The following PLCL1 variants were observed in gnomAD, a reference collection of about 807,000 sequenced individuals.
PLCL1 encodes inactive phospholipase C-like protein 1.
A neutral mutation model predicts 84.4 loss-of-function variants in PLCL1; 41 were observed. That is an observed-to-expected ratio of 0.49 (90% CI 0.38 to 0.63). The LOEUF (loss-of-function observed/expected upper bound fraction) is 0.63, where lower values mean the gene tolerates loss of function less well. Among genes scored for constraint, PLCL1 ranks in the 30% least tolerant of loss-of-function variants. The probability of loss-of-function intolerance (pLI) is 0.00; values close to 1 mark genes in which losing one functional copy is unlikely to be tolerated. For synonymous variants in PLCL1, 490 were observed against 488.3 expected, an observed-to-expected ratio of 1.00 and a Z score of -0.05; for missense variants, 1,206 against 1,367.8, an observed-to-expected ratio of 0.88 and a Z score of 1.87.
rs544939147 is a variant in PLCL1, at chr2:197,877,510, A to G, written c.240+72171A>G. ...TGCCACTTTTCCGCATCATCTTAAC[A>G]TTTGTAATAACCTAATGATGGAAAG... On this transcript the variant is annotated intron_variant, in intron 1 of 5. Transcript: ENST00000428675. Among the ~76,000 whole-genome samples the G allele has an allele frequency of 4.6e-5, 7 of 152,226 alleles. No individual in the cohort carries two copies. In the South Asian group the frequency reaches 1.5e-3, roughly 32 times the overall value.
chr2:197,902,201 G>A (rs992337316), intron 1 of PLCL1, among the ~76,000 whole-genome samples: 2 of 152,048 alleles, frequency 1.3e-5, no homozygotes, highest in Admixed American at 6.5e-5. Context: ...GGCCTGATAC[G>A]CAGCTATCCT....
At chr2:198,139,508 C>T (rs995586770) in intron 5 of PLCL1, among the ~76,000 whole-genome samples, 1 of 152,144 alleles carries the variant, frequency 6.6e-6, no homozygotes, top group Admixed American at 6.6e-5. Flanking sequence ...TCTGGTGTGC[C>T]TGCCTGACAT....
intron 1 of PLCL1, among the ~76,000 whole-genome samples, chr2:197,858,331 T>A (rs1687366985): frequency 6.6e-6 from 1 of 152,108 alleles, no homozygotes; most frequent in Admixed American, 6.6e-5. Context: ...TTGAAGTATA[T>A]TTCCTGTGAA....
chr2:197,883,584 C>T (rs1687868294), intron 1 of PLCL1, among the ~76,000 whole-genome samples: 1 of 151,956 alleles, frequency 6.6e-6, no homozygotes, highest in African/African-American at 2.4e-5. Context: ...ATTATACTTG[C>T]CAAAGGAGTA....
chr2:197,857,426 A>G (rs1215741078), intron 1 of PLCL1, among the ~76,000 whole-genome samples: 1 of 152,176 alleles, frequency 6.6e-6, no homozygotes, highest in Non-Finnish European at 1.5e-5. Context: ...TCTGATAGGC[A>G]TAGGTACACT....
At position 197,850,031 on chromosome 2, in the gene PLCL1, G is replaced by GACACACACACACACACACACAC. The variant is rs5837563; in HGVS notation, c.240+44719_240+44740dup. Among the ~76,000 whole-genome samples the GACACACACACACACACACACAC allele has an allele frequency of 5.6e-4, 75 of 135,012 alleles. 1 individual carries two copies. The highest frequency in any genetic ancestry group is 1.4e-3 in the African/African-American group (50 of 36,960). The allele number at this position is 135,012 out of a possible 152,430, so 88.6% of individuals were successfully genotyped here. A position where few individuals can be genotyped will look rare whatever the true frequency, so the allele number is the denominator to read the frequency against. On this transcript the variant is annotated intron_variant, in intron 1 of 5. Coordinates refer to ENST00000428675, the MANE Select transcript of PLCL1 (RefSeq NM_006226.4). ...ACACACAGACACACAGACACACACAGACACACACACACACACACACACACA... is the reference window on the plus strand; with the variant it reads ...ACACACAGACACACAGACACACACAGACACACACACACACACACACACACACACACACACACACACACACACA...
At chr2:197,944,289 C>A (rs1689227349) in intron 1 of PLCL1, among the ~76,000 whole-genome samples, 2 of 152,106 alleles carry the variant, frequency 1.3e-5, no homozygotes, top group African/African-American at 4.8e-5. Flanking sequence ...GGGAATGCAA[C>A]CTGAATGCTG....
chr2:198,078,497 G>A (rs1283708176), intron 1 of PLCL1, among the ~76,000 whole-genome samples: 1 of 152,022 alleles, frequency 6.6e-6, no homozygotes, highest in South Asian at 2.1e-4. Flanking sequence ...GTGCCTATAT[G>A]CTTATCTTTT....
chr2:198,013,676 C>CATAT, intron 1 of PLCL1, among the ~76,000 whole-genome samples: 1 of 152,134 alleles, frequency 6.6e-6, no homozygotes, highest in Middle Eastern at 3.4e-3. Context: ...TATAGACAAA[C>CATAT]ATATAAGAAA....
intron 5 of PLCL1, 30 bp downstream of exon 5, chr2:198,103,966 C>A: frequency 2.7e-6 from 3 of 1,125,766 alleles, no homozygotes; most frequent in South Asian, 2.9e-5. Flanking sequence ...GTCCCCTGTG[C>A]CTTTACTTTT....
rs927839542 is a variant in PLCL1, at chr2:197,961,521, A to G, written c.241-122237A>G. On this transcript the variant is annotated intron_variant, in intron 1 of 5. Coordinates refer to ENST00000428675, the MANE Select transcript of PLCL1 (RefSeq NM_006226.4). ...TCCTTGAAATCATAGAAAGAGAACT[A>G]TTATACTTAATACTAGTTTTGTGCT... 7.9e-5 allele frequency among the ~76,000 whole-genome samples: 12 copies of G among 152,062 alleles called. No individual in the cohort carries two copies. The East Asian group carries it at 1.9e-3, about 25-fold the overall frequency.
chr2:198,080,005 C>G (rs1180662290), intron 1 of PLCL1, among the ~76,000 whole-genome samples: 1 of 152,196 alleles, frequency 6.6e-6, no homozygotes, highest in Non-Finnish European at 1.5e-5. Flanking sequence ...GGTATTGGTA[C>G]TTCAGCCTCT....
intron 1 of PLCL1, among the ~76,000 whole-genome samples, chr2:197,921,195 G>A (rs1399698352): frequency 6.6e-6 from 1 of 152,134 alleles, no homozygotes; most frequent in Admixed American, 6.5e-5. Context: ...AAAAAATACA[G>A]TATTATAATC....
intron 1 of PLCL1, among the ~76,000 whole-genome samples, chr2:197,869,235 T>C (rs941854131): frequency 1.3e-5 from 2 of 152,174 alleles, no homozygotes; most frequent in Non-Finnish European, 2.9e-5. Flanking sequence ...AAAGGCCCTA[T>C]TGTTTCTATC....
intron 1 of PLCL1, among the ~76,000 whole-genome samples, chr2:198,062,225 A>G (rs749437877): frequency 3.9e-5 from 6 of 152,222 alleles, no homozygotes. Context: ...AATGGCAAAG[A>G]TTATCCTTTC....
chr2:197,840,019 G>A (rs1686959775), intron 1 of PLCL1, among the ~76,000 whole-genome samples: 1 of 152,184 alleles, frequency 6.6e-6, no homozygotes, highest in African/African-American at 2.4e-5. Context: ...AAACCTGGCA[G>A]TGGAAGACTA....
intron 1 of PLCL1, among the ~76,000 whole-genome samples, chr2:197,813,256 C>T (rs1690624378): frequency 6.6e-6 from 1 of 152,128 alleles, no homozygotes; most frequent in Non-Finnish European, 1.5e-5. Context: ...TGCACTCTGA[C>T]CTCTCTCTCC....
At chr2:197,999,391 C>T (rs1156810068) in intron 1 of PLCL1, among the ~76,000 whole-genome samples, 3 of 152,210 alleles carry the variant, frequency 2.0e-5, no homozygotes, top group Non-Finnish European at 4.4e-5. Flanking sequence ...AATATTAGAA[C>T]ATTTTTACTA....
At position 197,871,767 on chromosome 2, in the gene PLCL1, CT is replaced by C. The variant is rs543986553; in HGVS notation, c.240+66429del. 3.9e-5 allele frequency among the ~76,000 whole-genome samples: 6 copies of C among 152,230 alleles called. No individual in the cohort carries two copies. In the South Asian group the frequency reaches 1.2e-3, roughly 32 times the overall value. Reference sequence around the variant, plus strand: ...GTTAGGTGCACTCCTTAGTGTCCCCCTCCCTGAGTGCTTTGAGTAAATCTCT... The same window carrying C: ...GTTAGGTGCACTCCTTAGTGTCCCCCCCCTGAGTGCTTTGAGTAAATCTCT... On this transcript the variant is annotated intron_variant, in intron 1 of 5. Coordinates refer to ENST00000428675, the MANE Select transcript of PLCL1 (RefSeq NM_006226.4).
Sources: allele counts gnomAD v4.1 joint callset (sites outside exome capture counted in the v4.1 genomes callset), GRCh38; gene constraint gnomAD v4.1.1; transcripts MANE v1.5; gene names NCBI Gene and HGNC (gene_info 2026-07-23, HGNC 2026-07-21).